Variants in SSH2 observed in about 807,000 individuals in gnomAD.
SSH2 encodes the protein protein phosphatase Slingshot homolog 2.
In SSH2, 37 loss-of-function variants were observed where a neutral mutation model predicts 135.2. The ratio of observed to expected loss-of-function variants is 0.27; its 90% CI spans 0.21 to 0.36. The LOEUF is 0.36. Ranked by LOEUF, SSH2 falls within the 10% of genes least tolerant of loss-of-function variation. SSH2 has a pLI of 1.00. For synonymous variants in SSH2, 628 were observed against 646.2 expected, an observed-to-expected ratio of 0.97 and a Z score of 0.43; for missense variants, 1,408 against 1,765.3, an observed-to-expected ratio of 0.80 and a Z score of 3.63.
At chr17:29,693,630 A>C (rs912648381) in intron 5 of SSH2, among the ~76,000 whole-genome samples, 32 of 152,222 alleles carry the variant, frequency 2.1e-4, no homozygotes, top group South Asian at 4.2e-4. Flanking sequence ...TTATTTAAGA[A>C]AGAAATATAT....
intron 9 of SSH2, among the ~76,000 whole-genome samples, chr17:29,670,185 G>A (rs1385043629): frequency 1.3e-5 from 2 of 151,870 alleles, no homozygotes; most frequent in African/African-American, 4.8e-5. Context: ...CACCACGCCC[G>A]ACTGTCTCTA....
intron 2 of SSH2, among the ~76,000 whole-genome samples, chr17:29,804,705 T>A (rs2042308681): frequency 6.6e-6 from 1 of 152,184 alleles, no homozygotes; most frequent in Non-Finnish European, 1.5e-5. Context: ...AGGGTCATGC[T>A]CTGTTGCCCA....
At chr17:29,740,396 T>C (rs752015253) in intron 3 of SSH2, among the ~76,000 whole-genome samples, 25 of 151,992 alleles carry the variant, frequency 1.6e-4, no homozygotes, top group Non-Finnish European at 2.9e-4. Flanking sequence ...CCAGCAGTAA[T>C]AGACAAGAAA....
At chr17:29,648,463 ATCTC>A in intron 13 of SSH2, 119 bp from the exon 14 acceptor site, 1 of 776,066 alleles carries the variant, frequency 1.3e-6, no homozygotes, top group Non-Finnish European at 2.0e-6. Context: ...TTGCTATGCA[ATCTC>A]TCCACTTTGG....
At chr17:29,750,597 A>T (rs1355389582) in intron 3 of SSH2, among the ~76,000 whole-genome samples, 1 of 151,942 alleles carries the variant, frequency 6.6e-6, no homozygotes, top group Non-Finnish European at 1.5e-5. Flanking sequence ...ATCATGGCTC[A>T]CTGCAGCCTC....
At chr17:29,695,371 T>A in intron 5 of SSH2, 88 bp downstream of exon 5, 1 of 933,742 alleles carries the variant, frequency 1.1e-6, no homozygotes, top group Non-Finnish European at 1.7e-6. Flanking sequence ...TTCCCAGCAC[T>A]GTGTTGGGAT....
chr17:29,660,482 G>T (rs148388029), intron 11 of SSH2, among the ~76,000 whole-genome samples: 1 of 151,838 alleles, frequency 6.6e-6, no homozygotes, highest in East Asian at 2.0e-4. Flanking sequence ...GGCTAGGATG[G>T]TGTCCATCTC....
intron 2 of SSH2, among the ~76,000 whole-genome samples, chr17:29,812,825 C>G (rs1438379686): frequency 6.6e-6 from 1 of 151,266 alleles, no homozygotes; most frequent in African/African-American, 2.4e-5. Flanking sequence ...GGAGACGGAG[C>G]TTGCAGTGAG....
At chr17:29,745,521 T>C (rs943350679) in intron 3 of SSH2, among the ~76,000 whole-genome samples, 1 of 152,222 alleles carries the variant, frequency 6.6e-6, no homozygotes, top group African/African-American at 2.4e-5. Context: ...CATCTGACAC[T>C]TACCATGCAA....
intron 1 of SSH2, among the ~76,000 whole-genome samples, chr17:29,912,212 G>GA (rs1485021591): frequency 1.3e-5 from 2 of 152,106 alleles, no homozygotes; most frequent in Non-Finnish European, 2.9e-5. Flanking sequence ...CTTTTATGTG[G>GA]AAAAAAGCAG....
At chr17:29,853,005 G>C (rs1053847864) in intron 1 of SSH2, among the ~76,000 whole-genome samples, 1 of 151,444 alleles carries the variant, frequency 6.6e-6, no homozygotes, top group African/African-American at 2.4e-5. Flanking sequence ...GCTAAAAAGC[G>C]TTTGACAAAA....
chr17:29,792,719 C>G (rs763772442), intron 3 of SSH2, among the ~76,000 whole-genome samples: 21 of 152,154 alleles, frequency 1.4e-4, no homozygotes, highest in Non-Finnish European at 2.6e-4. Flanking sequence ...CTCTGTAGCC[C>G]AAGCTGGAGT....
chr17:29,651,838 T>A (rs887637868), intron 12 of SSH2, among the ~76,000 whole-genome samples: 15 of 152,042 alleles, frequency 9.9e-5, no homozygotes, highest in African/African-American at 2.2e-4. Context: ...TTTTTTTTTT[T>A]ATTTAATTTA....
chr17:29,688,158 C>T (rs2038306965), intron 5 of SSH2, among the ~76,000 whole-genome samples: 1 of 151,918 alleles, frequency 6.6e-6, no homozygotes, highest in Non-Finnish European at 1.5e-5. Flanking sequence ...TTACGGGCAC[C>T]TGCCACTGCG....
intron 2 of SSH2, among the ~76,000 whole-genome samples, chr17:29,811,571 G>GT (rs11411731): frequency 0.6 from 89,677 of 149,282 alleles, 29,178 homozygotes; most frequent in African/African-American, 0.87. Flanking sequence ...TGAACCACAA[G>GT]TTTTTTTTTT....
intron 14 of SSH2, among the ~76,000 whole-genome samples, chr17:29,638,812 T>G (rs1374603315): frequency 1.3e-5 from 2 of 152,132 alleles, no homozygotes; most frequent in African/African-American, 4.8e-5. Flanking sequence ...TGCCTTGGCC[T>G]CAGGGATTAT....
At chr17:29,886,005 C>A (rs2066230886) in intron 1 of SSH2, among the ~76,000 whole-genome samples, 1 of 152,034 alleles carries the variant, frequency 6.6e-6, no homozygotes, top group South Asian at 2.1e-4. Flanking sequence ...AAATAGGTAC[C>A]AGGTAGTGGG....
intron 3 of SSH2, among the ~76,000 whole-genome samples, chr17:29,745,683 A>C (rs1327817777): frequency 6.6e-6 from 1 of 152,204 alleles, no homozygotes; most frequent in African/African-American, 2.4e-5. Flanking sequence ...GAAATGACAG[A>C]ATGTTTACCA....
chr17:29,820,425 G>T (rs1472557895), intron 2 of SSH2, among the ~76,000 whole-genome samples: 7 of 152,176 alleles, frequency 4.6e-5, no homozygotes, highest in Non-Finnish European at 7.4e-5. Flanking sequence ...AGTTTCTCCA[G>T]GCACTGTGCT....
Sources: allele counts gnomAD v4.1 joint callset (sites outside exome capture counted in the v4.1 genomes callset), GRCh38; gene constraint gnomAD v4.1.1; transcripts MANE v1.5; gene names NCBI Gene and HGNC (gene_info 2026-07-23, HGNC 2026-07-21).